The following ACAP3 variants were observed in gnomAD, a reference collection of about 807,000 sequenced individuals.
ACAP3 encodes arf-GAP with coiled-coil, ANK repeat and PH domain-containing protein 3.
Under a neutral mutation model 104.1 loss-of-function variants are expected in ACAP3, and 56 were observed. The observed-to-expected ratio is 0.54, with a 90% CI of 0.43 to 0.67. The LOEUF (loss-of-function observed/expected upper bound fraction) is 0.67. Among genes scored for constraint, ACAP3 ranks in the 30% least tolerant of loss-of-function variants. The pLI, the probability that ACAP3 is intolerant of heterozygous loss-of-function variation, is 0.00. For synonymous variants in ACAP3, 628 were observed against 496.2 expected, an observed-to-expected ratio of 1.27 and a Z score of -3.53; for missense variants, 1,208 against 1,174.9, an observed-to-expected ratio of 1.03 and a Z score of -0.41.
In ACAP3 at chr1:1,293,432, G is replaced by T; in HGVS notation, c.*132C>A. ...CCTCCTGGGCGAGCAGGGCCGCGGC[G>T]CCCCAGCACTGGGGCTGCCAGGTAT... On this transcript the variant is annotated 3_prime_UTR_variant, in exon 24 of 24. Transcript: ENST00000354700. The T allele has an allele frequency of 2.1e-6, 2 of 946,102 alleles. No individual in the cohort carries two copies. The highest frequency in any genetic ancestry group is 2.7e-6 in the Non-Finnish European group (2 of 729,020). 58.6% of individuals were successfully genotyped at this position (946,102 alleles called of 1,614,324 possible).
rs1007997178 is a variant in ACAP3 at position 1,307,735 on chromosome 1, C to G, written c.47+34G>C. The G allele has an allele frequency of 9.2e-6, 10 of 1,090,288 alleles. No homozygotes were observed. The Admixed American group carries it at 4.8e-4, about 52-fold the overall frequency. The allele number at this position is 1,090,288 out of a possible 1,614,324, so 67.5% of individuals were successfully genotyped here. ...ACAAAGGCGACAGCGACGCCCCCGG[C>G]CTGCGCCCACCCCGGCGGCCCCGGG... On this transcript the variant is annotated intron_variant, in intron 1 of 23. Transcript: ENST00000354700.
In ACAP3 at chr1:1,302,001, T is replaced by A. The variant is rs1641466249; in HGVS notation, c.325A>T (p.Ser109Cys). Reference protein sequence around the residue: ...AQRSVRQQLQSFVKEDVRKFK... With the variant: ...AQRSVRQQLQCFVKEDVRKFK... ...GGGGCCACTCACTCTTTGACAAAGCTCTGGAGCTGCTGCCGCACGGACCTC... is the reference window on the plus strand; with the variant it reads ...GGGGCCACTCACTCTTTGACAAAGCACTGGAGCTGCTGCCGCACGGACCTC... The change falls in exon 5 of 24, where the codon AGC (serine) becomes TGC (cysteine). Residue 109 changes from serine to cysteine, a missense_variant. By Grantham distance (112) the Ser-to-Cys change is moderately radical (BLOSUM62 -1). Coordinates refer to ENST00000354700, the MANE Select transcript of ACAP3 (RefSeq NM_030649.3). 1 of 1,572,560 alleles carries A rather than the reference T, an allele frequency of 6.4e-7. No individual in the cohort carries two copies. Among genetic ancestry groups the A allele is most frequent in the Non-Finnish European group, 8.6e-7 (1 of 1,157,992 alleles).
chr1:1,301,253 G>A (rs1041818792), intron 5 of ACAP3, among the ~76,000 whole-genome samples: 2 of 148,438 alleles, frequency 1.3e-5, no homozygotes, highest in African/African-American at 5.0e-5. Context: ...GGTTCTTGGG[G>A]GTGTCTTTTT....
intron 1 of ACAP3, chr1:1,305,814 G>C: frequency 6.6e-6 from 1 of 152,188 alleles, no homozygotes; most frequent in East Asian, 1.9e-4. Context: ...CCCCTACACG[G>C]GCTCCCCTGG....
intron 1 of ACAP3, among the ~76,000 whole-genome samples, chr1:1,306,495 T>G: frequency 6.6e-6 from 1 of 152,102 alleles, no homozygotes; most frequent in Non-Finnish European, 1.5e-5. Context: ...GAGCAGAGGA[T>G]GGCCCCAGTT....
Position 1,299,885 on chromosome 1 carries a change from GTCGA to G in ACAP3, c.680_683del (p.Ile227ThrfsTer43). On this transcript the variant is annotated frameshift_variant, in exon 9 of 24. Coordinates refer to ENST00000354700, the MANE Select transcript of ACAP3 (RefSeq NM_030649.3). LOFTEE classifies it high-confidence loss of function. ...CCATCTCACGCTTTTCCACCGCAGAGTCGATCACCAGCTGGTCCAGCTGTTGGGG... is the reference window on the plus strand; with the variant it reads ...CCATCTCACGCTTTTCCACCGCAGAGTCACCAGCTGGTCCAGCTGTTGGGG... 6.3e-7 allele frequency: 1 copy of G among 1,580,856 alleles called. No homozygotes were observed. Among genetic ancestry groups the G allele is most frequent in the Non-Finnish European group, 8.6e-7 (1 of 1,159,998 alleles).
intron 11 of ACAP3, 21 bp from the exon 12 acceptor site, chr1:1,298,442 G>A (rs772571899): frequency 1.2e-4 from 188 of 1,596,854 alleles, no homozygotes; most frequent in Non-Finnish European, 1.6e-4. Flanking sequence ...GGGGGGATGT[G>A]GGGAGTCAGG....
At chr1:1,295,004 A>C (rs1641054954) in intron 19 of ACAP3, 188 bp from the exon 20 acceptor site, 3 of 605,100 alleles carry the variant, frequency 5.0e-6, no homozygotes, top group Non-Finnish European at 8.7e-6. Flanking sequence ...ATAACAGCTC[A>C]AAGGTGCCAG....
chr1:1,298,250 G>A (rs1035943074), intron 12 of ACAP3, 120 bp downstream of exon 12: 14 of 1,580,742 alleles, frequency 8.9e-6, no homozygotes, highest in Non-Finnish European at 1.0e-5. Context: ...CTCCCTGACT[G>A]TTCCGGCTCC....
chr1:1,303,799 C>T lies in ACAP3; in HGVS notation c.105+287G>A, dbSNP rs1641559432. 1 of 538,790 alleles carries T rather than the reference C, an allele frequency of 1.9e-6. No individual in the cohort carries two copies. The highest frequency in any genetic ancestry group is 3.3e-6 in the Non-Finnish European group (1 of 300,330). 33.4% of individuals were successfully genotyped at this position (538,790 alleles called of 1,614,324 possible). On this transcript the variant is annotated intron_variant, in intron 2 of 23. Transcript: ENST00000354700. This position sits in a 1 kb window ranked among gnomAD's most constrained non-coding sequence, Gnocchi z 4.0. ...GCTCAGCCCACACAGCAGCTGTCCC[C>T]GTGTCACCAGCCCAGCAGAGGGGAC... is the stretch of plus-strand genomic sequence containing the variant.
rs1350670245 is a variant in ACAP3 at position 1,300,294 on chromosome 1, T to C, written c.523-92A>G. The C allele has an allele frequency of 2.1e-6, 3 of 1,449,994 alleles. No individual in the cohort carries two copies. In the African/African-American group the frequency reaches 4.3e-5, roughly 21 times the overall value. The allele number at this position is 1,449,994 out of a possible 1,614,324, so 89.8% of individuals were successfully genotyped here. A position where few individuals can be genotyped will look rare whatever the true frequency, so the allele number is the denominator to read the frequency against. ...TAGAGTCCACCTGAGCTGCTTGTGG[T>C]TCCCTGAGACCCCCAGGTCGTCTTC... On this transcript the variant is annotated intron_variant, in intron 6 of 23. Transcript: ENST00000354700.
At chr1:1,298,799 C>A (rs1390167395) in intron 10 of ACAP3, 120 bp from the exon 11 acceptor site, 3 of 739,292 alleles carry the variant, frequency 4.1e-6, no homozygotes, top group East Asian at 5.3e-5. Context: ...GGCCCACGGA[C>A]CACACGCTCA....
Position 1,300,536 on chromosome 1 carries a change from G to A in ACAP3, c.495C>T (p.Arg165=), listed in dbSNP as rs376169766. 6.2e-7 allele frequency: 1 copy of A among 1,611,550 alleles called. No homozygotes were observed. Among genetic ancestry groups the A allele is most frequent in the Non-Finnish European group, 8.5e-7 (1 of 1,179,672 alleles). ...GGAGCACATAGTCCAGTGCCAGGTGGCGGAAGCACTTCCTGGTGAGGGTGA... is the reference window on the plus strand; with the variant it reads ...GGAGCACATAGTCCAGTGCCAGGTGACGGAAGCACTTCCTGGTGAGGGTGA... The part of the protein sequence containing the change: ...GALTLTRKCF[R]HLALDYVLQI... The change falls in exon 6 of 24, where the codon CGC becomes CGT. Residue 165 remains arginine, a synonymous_variant. Coordinates refer to ENST00000354700, the MANE Select transcript of ACAP3 (RefSeq NM_030649.3).
At chr1:1,307,450 A>G in intron 1 of ACAP3, 7 of 1,295,426 alleles carry the variant, frequency 5.4e-6, no homozygotes, top group Non-Finnish European at 7.0e-6. Flanking sequence ...CCCTGGCCAG[A>G]GCTGGACTGC....
At position 1,295,865 on chromosome 1, in the gene ACAP3, C is replaced by G. The variant is rs141926737; in HGVS notation, c.1576G>C (p.Ala526Pro). 667 of 1,611,850 alleles carry G rather than the reference C, an allele frequency of 4.1e-4. 1 individual carries two copies. In the African/African-American group the frequency reaches 6.9e-3, roughly 17 times the overall value. Residue 526 changes from alanine (A) to proline (P), a missense_variant, in exon 18 of 24, where the codon GCC becomes CCC. Transcript: ENST00000354700. ...KFLRKAPMAP[A>P]LEAPRRWRVQ... ...CTCCAGCGTCTTGGGGCCTCCAGGG[C>G]TGGTGCCATGGGCGCCTTCCGCAGA...
In ACAP3 at chr1:1,307,780, G is replaced by T; in HGVS notation, c.36C>A (p.Ser12=). 9.1e-7 allele frequency: 1 copy of T among 1,094,564 alleles called. No homozygotes were observed. Among genetic ancestry groups the T allele is most frequent in the East Asian group, 6.0e-5 (1 of 16,730 alleles). The allele number at this position is 1,094,564 out of a possible 1,614,324, so 67.8% of individuals were successfully genotyped here. ...TVEFEECVKD[S]PRFRATIDEV... The stretch of plus-strand genomic sequence containing the variant: ...CCCGGGCGGCGCACCTGAAGCGCGG[G>T]GAGTCCTTGACGCACTCCTCGAACT... The change falls in exon 1 of 24, where the codon TCC becomes TCA. Residue 12 remains serine, a synonymous_variant. Coordinates refer to ENST00000354700, the MANE Select transcript of ACAP3 (RefSeq NM_030649.3).
chr1:1,307,629 T>C, intron 1 of ACAP3, 140 bp downstream of exon 1: 1 of 952,544 alleles, frequency 1.0e-6, no homozygotes, highest in Non-Finnish European at 1.3e-6. Context: ...GGGCCGCCGC[T>C]TTGTCCGAGG....
chr1:1,295,255 C>A (rs1208931529), intron 19 of ACAP3, among the ~76,000 whole-genome samples, 192 bp downstream of exon 19: 2 of 152,162 alleles, frequency 1.3e-5, no homozygotes, highest in African/African-American at 4.8e-5. Flanking sequence ...CAGGTGCACA[C>A]AGCCCACACA....
chr1:1,293,572 C>T lies in ACAP3; in HGVS notation c.2497G>A (p.Glu833Lys), dbSNP rs1279608086. 5.4e-6 allele frequency: 8 copies of T among 1,486,136 alleles called. No individual in the cohort carries two copies. The highest frequency in any genetic ancestry group is 2.2e-5 in the Admixed American group (1 of 46,148). 92.1% of individuals were successfully genotyped at this position (1,486,136 alleles called of 1,614,324 possible). A position where few individuals can be genotyped will look rare whatever the true frequency, so the allele number is the denominator to read the frequency against. ...IQEFISLHLEES is the reference protein window; with the variant it reads ...IQEFISLHLEKS ...GCCCGGCCTGCCCGGCCCTAGCTCT[C>T]TTCCAGGTGGAGGCTGATGAACTCC... is the stretch of plus-strand genomic sequence containing the variant. The change falls in exon 24 of 24, where the codon GAG becomes AAG. Residue 833 changes from glutamate to lysine, a missense_variant. Transcript: ENST00000354700.
Sources: allele counts gnomAD v4.1 joint callset (sites outside exome capture counted in the v4.1 genomes callset), GRCh38; gene constraint gnomAD v4.1.1; non-coding constraint Gnocchi (gnomAD v3.1); transcripts MANE v1.5; gene names NCBI Gene and HGNC (gene_info 2026-07-23, HGNC 2026-07-21).